The following KLHL28 variants were observed in gnomAD, a reference collection of about 807,000 sequenced individuals.
KLHL28 encodes kelch-like protein 28.
KLHL28 carries 22 observed loss-of-function variants against 48.3 expected under a neutral mutation model. The observed-to-expected ratio is 0.46, with a 90% CI of 0.33 to 0.65. The LOEUF is 0.65. Ranked by LOEUF, KLHL28 falls within the 30% of genes least tolerant of loss-of-function variation. The pLI is 0.03. For synonymous variants in KLHL28, 243 were observed against 242.4 expected (o/e 1.00, Z -0.02); for missense variants, 527 against 704.3 (o/e 0.75, Z 2.85).
At position 44,945,666 on chromosome 14, in the gene KLHL28, G is replaced by A. The variant is rs199638602; in HGVS notation, c.263C>T (p.Ala88Val). The change falls in exon 2 of 5, where the codon GCC becomes GTC. Residue 88 changes from alanine (A) to valine (V), a missense_variant. By Grantham distance (64) the Ala-to-Val change is moderately conservative. Coordinates refer to ENST00000396128, the MANE Select transcript of KLHL28 (RefSeq NM_017658.5). ...CCCTGTATAGGCATACTCCACAATG[G>A]CCTGGAGAGCAGTTTCATCAATGCA... ...FQCIDETALQAIVEYAYTGTV... is the reference protein window; with the variant it reads ...FQCIDETALQVIVEYAYTGTV... 6.2e-7 allele frequency: 1 copy of A among 1,614,154 alleles called. No homozygotes were observed. The highest frequency in any genetic ancestry group is 2.2e-5 in the East Asian group (1 of 44,884).
intron 1 of KLHL28, chr14:44,961,093 G>A (rs1885063290): frequency 4.6e-6 from 2 of 430,576 alleles, no homozygotes; most frequent in Non-Finnish European, 8.3e-6. Context: ...TATCACTTAT[G>A]AGGAGAAAAT....
At chr14:44,935,906 T>TATATATATATATATATATATATA (rs1429152138) in intron 2 of KLHL28, among the ~76,000 whole-genome samples, 46 of 13,876 alleles carry the variant, frequency 3.3e-3, no homozygotes, top group East Asian at 0.011. Context: ...ATATATATCT[T>TATATATATATATATATATATATA]TACCCTCCCC....
chr14:44,950,330 G>C (rs544599712), intron 1 of KLHL28, among the ~76,000 whole-genome samples: 1 of 151,970 alleles, frequency 6.6e-6, no homozygotes, highest in South Asian at 2.1e-4. Context: ...TGATACCCTG[G>C]GCAACACAAG....
chr14:44,933,211 T>C (rs1410500233), intron 3 of KLHL28, among the ~76,000 whole-genome samples: 1 of 152,178 alleles, frequency 6.6e-6, no homozygotes, highest in African/African-American at 2.4e-5. Context: ...CCCGTGGATA[T>C]GGAGGGCTGA....
intron 2 of KLHL28, among the ~76,000 whole-genome samples, chr14:44,942,751 C>T (rs1884156130): frequency 6.6e-6 from 1 of 152,184 alleles, no homozygotes; most frequent in South Asian, 2.1e-4. Flanking sequence ...CAACACTCAA[C>T]TTGTACATGA....
chr14:44,930,916 T>C (rs1025211606), intron 4 of KLHL28, among the ~76,000 whole-genome samples: 21 of 152,280 alleles, frequency 1.4e-4, no homozygotes, highest in South Asian at 1.0e-3. Context: ...TGATCAACTA[T>C]ACCCCCTGGG....
At position 44,929,063 on chromosome 14, in the gene KLHL28, A is replaced by G. The variant is rs377423129; in HGVS notation, c.1681T>C (p.Tyr561His). Residue 561 changes from tyrosine to histidine, a missense_variant, in exon 5 of 5, where the codon TAC becomes CAC. Transcript: ENST00000396128. ...DTWLDSAGMI[Y>H]CRCNFGLTAL ...GTTAACCCAAAGTTGCAGCGACAGT[A>G]TATCATGCCAGCTGAATCCAGCCAC... 16 of 1,613,916 alleles carry G rather than the reference A, an allele frequency of 9.9e-6. No homozygotes were observed. The highest frequency in any genetic ancestry group is 5.0e-5 in the Admixed American group (3 of 59,994).
intron 2 of KLHL28, among the ~76,000 whole-genome samples, chr14:44,939,763 T>C (rs1045615583): frequency 6.9e-6 from 1 of 144,846 alleles, no homozygotes; most frequent in African/African-American, 2.8e-5. Context: ...AATTTCCCTA[T>C]GGCCTCTTCT....
chr14:44,947,428 G>C (rs1006335892), intron 1 of KLHL28, among the ~76,000 whole-genome samples: 1 of 152,206 alleles, frequency 6.6e-6, no homozygotes, highest in Non-Finnish European at 1.5e-5. Flanking sequence ...AACTGAGTTT[G>C]TGTAATTTGT....
Position 44,934,303 on chromosome 14 carries a change from T to C in KLHL28, c.1155A>G (p.Ala385=), listed in dbSNP as rs755517468. 1 of 1,614,188 alleles carries C rather than the reference T, an allele frequency of 6.2e-7. No homozygotes were observed. The highest frequency in any genetic ancestry group is 8.5e-7 in the Non-Finnish European group (1 of 1,180,004). Residue 385 remains alanine, a synonymous_variant, in exon 3 of 5, where the codon GCA becomes GCG. Coordinates refer to ENST00000396128, the MANE Select transcript of KLHL28 (RefSeq NM_017658.5). ...AACCACCTAAGGCATAAAGTTCTCCTGCAAGTACTACTACTCCAAGAGTAC... is the reference window on the plus strand; with the variant it reads ...AACCACCTAAGGCATAAAGTTCTCCCGCAAGTACTACTACTCCAAGAGTAC... The part of the protein sequence containing the change: ...SRSTLGVVVL[A]GELYALGGYD...
chr14:44,957,755 A>G (rs923405312), intron 1 of KLHL28, among the ~76,000 whole-genome samples: 7 of 152,180 alleles, frequency 4.6e-5, no homozygotes, highest in Non-Finnish European at 1.0e-4. Context: ...GTCCAAGGCA[A>G]GATTTAAACC....
In KLHL28 at chr14:44,960,884, C is replaced by T. The variant is rs1885040699; in HGVS notation, c.-1+962G>A. ...TTTAAAAAGTATTTAAGAGAAATCC[C>T]ACCTGGTACAGAGCAGGGTAGGAAT... On this transcript the variant is annotated intron_variant, in intron 1 of 4. Transcript: ENST00000396128. 4 of 1,521,062 alleles carry T rather than the reference C, an allele frequency of 2.6e-6. No homozygotes were observed. In the African/African-American group the frequency reaches 4.2e-5, roughly 16 times the overall value. 94.2% of individuals were successfully genotyped at this position (1,521,062 alleles called of 1,614,324 possible).
chr14:44,940,818 C>T (rs950793608), intron 2 of KLHL28, among the ~76,000 whole-genome samples: 3 of 152,138 alleles, frequency 2.0e-5, no homozygotes, highest in African/African-American at 7.2e-5. Context: ...TACCCTATCC[C>T]TCTTTACTTA....
intron 3 of KLHL28, among the ~76,000 whole-genome samples, chr14:44,931,988 C>T (rs1883606483): frequency 6.6e-6 from 1 of 151,740 alleles, no homozygotes; most frequent in Non-Finnish European, 1.5e-5. Context: ...TTGAAAACCA[C>T]TAACTGAATA....
intron 2 of KLHL28, 151 bp downstream of exon 2, chr14:44,944,879 C>T (rs1167793055): frequency 3.3e-5 from 19 of 568,988 alleles, no homozygotes; most frequent in Admixed American, 6.8e-5. Flanking sequence ...AAAACAATCA[C>T]GTAAGTATTT....
intron 2 of KLHL28, 58 bp from the exon 3 acceptor site, chr14:44,934,616 G>A (rs975207992): frequency 1.6e-5 from 21 of 1,284,708 alleles, no homozygotes; most frequent in African/African-American, 1.5e-4. Flanking sequence ...CATAAAGACA[G>A]ATATGTTTAA....
At chr14:44,961,167 G>A in intron 1 of KLHL28, 1 of 341,398 alleles carries the variant, frequency 2.9e-6, no homozygotes, top group South Asian at 6.3e-5. Flanking sequence ...AAATCCACAA[G>A]GCAGAATTCT....
intron 1 of KLHL28, chr14:44,959,349 G>T (rs1012247968): frequency 5.9e-5 from 9 of 152,074 alleles, no homozygotes; most frequent in Non-Finnish European, 1.3e-4. Context: ...ACCTAGCATG[G>T]TGCATGGCAC....
rs1446084322 is a variant in KLHL28, at chr14:44,960,567, G to A, written c.-1+1279C>T. Among the ~76,000 whole-genome samples the A allele has an allele frequency of 3.3e-5, 5 of 152,204 alleles. No homozygotes were observed. The South Asian group carries it at 1.0e-3, about 32-fold the overall frequency. ...CCTGTCTTTAACCTGTCCCTAAAAT[G>A]AAACATGCTAGCTAAACCTAATTTA... On this transcript the variant is annotated intron_variant, in intron 1 of 4. Transcript: ENST00000396128.
Sources: gnomAD v4.1 joint callset for allele counts (sites outside exome capture counted in the v4.1 genomes callset) on GRCh38, gnomAD v4.1.1 for gene constraint, MANE v1.5 for transcripts, NCBI Gene and HGNC (gene_info 2026-07-23, HGNC 2026-07-21) for gene names.